Variants in WNT2 observed in about 807,000 individuals in gnomAD.
WNT2 encodes the protein protein Wnt-2.
WNT2 carries 12 observed loss-of-function variants against 36.9 expected under a neutral mutation model. That is an observed-to-expected ratio of 0.33 (90% CI 0.21 to 0.53). The LOEUF is 0.53. WNT2 is among the 20% of genes least tolerant of loss of function. WNT2 has a pLI of 0.95. For missense variants in WNT2, 379 were observed against 473.1 expected (o/e 0.80, Z 1.84); for synonymous variants, 163 against 174.6 (o/e 0.93, Z 0.52).
At position 117,276,080 on chromosome 7, in the gene WNT2, T is replaced by C. The variant is rs1433062453; in HGVS notation, c.*2075A>G. ...TAAAGTCCTACACTATCTCAAACAC[T>C]CAAGAGTGTGGTCCTATTTGTGATG... is the stretch of plus-strand genomic sequence containing the variant. On this transcript the variant is annotated 3_prime_UTR_variant, in exon 5 of 5. Transcript: ENST00000265441. Among the ~76,000 whole-genome samples the C allele has an allele frequency of 6.6e-6, 1 of 152,212 alleles. No homozygotes were observed. Among genetic ancestry groups the C allele is most frequent in the Non-Finnish European group, 1.5e-5 (1 of 68,038 alleles).
rs535520126 is a variant in WNT2, at chr7:117,308,371, A to G, written c.588+6700T>C. ...ACATTACCGTTGACTAACCATATAT[A>G]TAATAATTCTTATTGACTAATGAGG... is the stretch of plus-strand genomic sequence containing the variant. On this transcript the variant is annotated intron_variant, in intron 3 of 4. Coordinates refer to ENST00000265441, the MANE Select transcript of WNT2 (RefSeq NM_003391.3). 5.3e-5 allele frequency among the ~76,000 whole-genome samples: 8 copies of G among 152,326 alleles called. No individual in the cohort carries two copies. The East Asian group carries it at 1.5e-3, about 29-fold the overall frequency.
intron 3 of WNT2, among the ~76,000 whole-genome samples, chr7:117,307,175 A>G (rs1203023405): frequency 6.6e-6 from 1 of 152,188 alleles, no homozygotes; most frequent in Non-Finnish European, 1.5e-5. Context: ...TGTGTAGGCT[A>G]GAACAATTCT....
At chr7:117,295,875 C>G (rs1458554159) in intron 4 of WNT2, among the ~76,000 whole-genome samples, 1 of 152,062 alleles carries the variant, frequency 6.6e-6, no homozygotes, top group Non-Finnish European at 1.5e-5. Flanking sequence ...GAACGTGGTT[C>G]TTGGTTGGTG....
chr7:117,318,000 T>G (rs917739267), intron 2 of WNT2, among the ~76,000 whole-genome samples: 2 of 152,226 alleles, frequency 1.3e-5, no homozygotes, highest in Non-Finnish European at 2.9e-5. Flanking sequence ...GCTAGTTCTG[T>G]CCTTGTTTCT....
At chr7:117,312,300 G>C (rs74359200) in intron 3 of WNT2, among the ~76,000 whole-genome samples, 2,115 of 152,088 alleles carry the variant, frequency 0.014, 48 homozygotes, top group African/African-American at 0.048. Flanking sequence ...AGTATAGCTG[G>C]GAATAGTAGC....
chr7:117,283,878 T>C (rs777431533), intron 4 of WNT2, among the ~76,000 whole-genome samples: 1 of 151,684 alleles, frequency 6.6e-6, no homozygotes, highest in Non-Finnish European at 1.5e-5. Context: ...AGATGGAAAA[T>C]GAGAGAGGGT....
At chr7:117,280,196 C>T (rs965402351) in intron 4 of WNT2, among the ~76,000 whole-genome samples, 3 of 152,082 alleles carry the variant, frequency 2.0e-5, no homozygotes, top group African/African-American at 7.2e-5. Context: ...GGGATGGCTC[C>T]GAGCCTGCAT....
At position 117,297,866 on chromosome 7, in the gene WNT2, C is replaced by T. The variant is rs774137762; in HGVS notation, c.599G>A (p.Arg200Gln). Residue 200 changes from arginine (R) to glutamine (Q), a missense_variant, in exon 4 of 5, where the codon CGG becomes CAG. By Grantham distance (43) the Arg-to-Gln change is conservative. Coordinates refer to ENST00000265441, the MANE Select transcript of WNT2 (RefSeq NM_003391.3). The part of the protein sequence containing the change: ...NNRAGRKAVK[R>Q]FLKQECKCHG... ...GCACTTGCACTCTTGTTTCAAGAAC[C>T]GCTTTACAGCCTGCCGAAAAAGACA... 8.1e-6 allele frequency: 13 copies of T among 1,608,358 alleles called. No individual in the cohort carries two copies. The highest frequency in any genetic ancestry group is 6.7e-5 in the East Asian group (3 of 44,714).
chr7:117,292,764 T>C (rs1482689814), intron 4 of WNT2, among the ~76,000 whole-genome samples: 2 of 152,164 alleles, frequency 1.3e-5, no homozygotes, highest in Non-Finnish European at 2.9e-5. Flanking sequence ...ATGACTCTCT[T>C]ATACTGGGCA....
intron 4 of WNT2, among the ~76,000 whole-genome samples, chr7:117,280,113 A>C (rs963905484): frequency 1.3e-5 from 2 of 151,990 alleles, no homozygotes; most frequent in Non-Finnish European, 2.9e-5. Context: ...GAGCAGGAAG[A>C]CTGGCCGGGG....
intron 3 of WNT2, among the ~76,000 whole-genome samples, chr7:117,309,641 A>G (rs564064131): frequency 4.7e-4 from 72 of 152,280 alleles, no homozygotes; most frequent in Admixed American, 3.3e-3. Flanking sequence ...ATTTTATTTT[A>G]TATGGCAACC....
chr7:117,304,584 C>T (rs992491486), intron 3 of WNT2, among the ~76,000 whole-genome samples: 8 of 152,038 alleles, frequency 5.3e-5, no homozygotes, highest in Non-Finnish European at 1.0e-4. Flanking sequence ...TACAGGCATC[C>T]GCCACCACGC....
chr7:117,316,619 A>G (rs1250184643), intron 2 of WNT2, among the ~76,000 whole-genome samples: 1 of 152,176 alleles, frequency 6.6e-6, no homozygotes, highest in African/African-American at 2.4e-5. Flanking sequence ...ATCCCTTGCA[A>G]TATTTGCTCT....
chr7:117,320,813 A>G lies in WNT2; in HGVS notation c.84-20T>C. ...ATGTACCTATAAGGGACCAACCAAC[A>G]CAGAGGTGAGGGCAACGTGAACAGG... On this transcript the variant is annotated intron_variant, in intron 1 of 4. Coordinates refer to ENST00000265441, the MANE Select transcript of WNT2 (RefSeq NM_003391.3). 6.3e-7 allele frequency: 1 copy of G among 1,590,414 alleles called. No homozygotes were observed. The highest frequency in any genetic ancestry group is 8.6e-7 in the Non-Finnish European group (1 of 1,168,464).
intron 2 of WNT2, among the ~76,000 whole-genome samples, chr7:117,318,770 C>T (rs1002001826): frequency 1.3e-5 from 2 of 152,144 alleles, no homozygotes; most frequent in African/African-American, 4.8e-5. Context: ...CCTCAGTCTC[C>T]CAAAGTGCTG....
rs1233144548 is a variant in WNT2 at position 117,320,644 on chromosome 7, T to C, written c.233A>G (p.His78Arg). ...ATTCCAGCGGTGCTGGCGGAACTGG[T>C]GCTGGCATTCTGCTGTCCACTCGGC... is the stretch of plus-strand genomic sequence containing the variant. ...GVAEWTAECQ[H>R]QFRQHRWNCN... Residue 78 changes from histidine to arginine, a missense_variant, in exon 2 of 5, where the codon CAC (histidine) becomes CGC (arginine). Physicochemically the swap from His to Arg is conservative, Grantham distance 29. Coordinates refer to ENST00000265441, the MANE Select transcript of WNT2 (RefSeq NM_003391.3). The C allele has an allele frequency of 6.2e-7, 1 of 1,613,986 alleles. No individual in the cohort carries two copies. The highest frequency in any genetic ancestry group is 8.5e-7 in the Non-Finnish European group (1 of 1,179,960).
intron 3 of WNT2, among the ~76,000 whole-genome samples, chr7:117,306,764 C>T (rs1186470892): frequency 6.6e-6 from 1 of 152,210 alleles, no homozygotes; most frequent in Non-Finnish European, 1.5e-5. Flanking sequence ...TACTACGTGG[C>T]ATCCTGTCAA....
At chr7:117,320,862 G>A (rs1027553475) in intron 1 of WNT2, 69 bp from the exon 2 acceptor site, 1 of 1,339,670 alleles carries the variant, frequency 7.5e-7, no homozygotes, top group Non-Finnish European at 1.0e-6. Flanking sequence ...GTGTTCCTGG[G>A]AGACTAAGGA....
rs117872030 is a variant in WNT2, at chr7:117,302,610, G to T, written c.589-4734C>A. 3.9e-5 allele frequency among the ~76,000 whole-genome samples: 6 copies of T among 152,264 alleles called. No individual in the cohort carries two copies. The East Asian group carries it at 1.2e-3, about 29-fold the overall frequency. ...GCTTGGAAGGATACACACCCACATG[G>T]ATCTTCATGCAGCTATTGCATAATT... On this transcript the variant is annotated intron_variant, in intron 3 of 4. Coordinates refer to ENST00000265441, the MANE Select transcript of WNT2 (RefSeq NM_003391.3).
Sources: allele counts gnomAD v4.1 joint callset (sites outside exome capture counted in the v4.1 genomes callset), GRCh38; gene constraint gnomAD v4.1.1; transcripts MANE v1.5; gene names NCBI Gene and HGNC (gene_info 2026-07-23, HGNC 2026-07-21).